PCDH15: variants seen among roughly 807,000 people sequenced by gnomAD.
PCDH15 encodes protocadherin-15.
In PCDH15, 129 loss-of-function variants were observed where a neutral mutation model predicts 178.5. The ratio of observed to expected loss-of-function variants is 0.72; its 90% CI spans 0.63 to 0.84. PCDH15 has a LOEUF of 0.84. Among genes scored for constraint, PCDH15 ranks in the 40% least tolerant of loss-of-function variants. The pLI, the probability that PCDH15 is intolerant of heterozygous loss-of-function variation, is 0.00. For missense variants in PCDH15, 2,230 were observed against 2,099.9 expected (o/e 1.06, Z -1.21); for synonymous variants, 800 against 732.0 (o/e 1.09, Z -1.50).
At chr10:54,984,023 T>G (rs1307237941) in intron 2 of PCDH15, among the ~76,000 whole-genome samples, 2 of 152,092 alleles carry the variant, frequency 1.3e-5, no homozygotes, top group Non-Finnish European at 1.5e-5. Flanking sequence ...AAAGTGTAAG[T>G]AGAGAATTAT....
Position 54,214,035 on chromosome 10 carries a change from A to G in PCDH15, c.999T>C (p.Asp333=). ...GATGCATATGGAAAAATCGTGGGTA[A>G]TCCTCAGGAGTCCCTGGAAGACATT... ...LYSILVGTPE[D]YPRFFHMHPR... The change falls in exon 10 of 38, where the codon GAT becomes GAC. Residue 333 remains aspartate, a synonymous_variant. Transcript: ENST00000644397. 6.3e-7 allele frequency: 1 copy of G among 1,595,062 alleles called. No homozygotes were observed. Among genetic ancestry groups the G allele is most frequent in the Non-Finnish European group, 8.6e-7 (1 of 1,162,922 alleles).
intron 2 of PCDH15, among the ~76,000 whole-genome samples, chr10:55,044,855 C>T (rs1481058089): frequency 6.6e-6 from 1 of 152,054 alleles, no homozygotes; most frequent in Non-Finnish European, 1.5e-5. Context: ...AAATCACAAT[C>T]CCCACCCTCA....
chr10:55,594,232 A>C (rs1842899074), intron 2 of PCDH15, among the ~76,000 whole-genome samples: 1 of 151,910 alleles, frequency 6.6e-6, no homozygotes, highest in South Asian at 2.1e-4. Context: ...TAAATGTCTT[A>C]ATTGTTATAA....
intron 1 of PCDH15, among the ~76,000 whole-genome samples, chr10:55,304,708 G>A (rs1243134160): frequency 6.6e-6 from 1 of 152,156 alleles, no homozygotes; most frequent in Non-Finnish European, 1.5e-5. Context: ...GAGCTACTCA[G>A]TTTGAACTAA....
intron 3 of PCDH15, among the ~76,000 whole-genome samples, chr10:54,439,967 C>G (rs2075692450): frequency 6.6e-6 from 1 of 151,922 alleles, no homozygotes; most frequent in African/African-American, 2.4e-5. Flanking sequence ...TACATGTTTT[C>G]CACCTTGCAA....
chr10:53,938,247 T>TA (rs1259082440), intron 25 of PCDH15, among the ~76,000 whole-genome samples: 6 of 152,112 alleles, frequency 3.9e-5, no homozygotes, highest in Non-Finnish European at 8.8e-5. Context: ...TACTGTCATT[T>TA]AAAAAAATAA....
At chr10:55,134,916 T>C (rs1439421066) in intron 2 of PCDH15, among the ~76,000 whole-genome samples, 3 of 152,170 alleles carry the variant, frequency 2.0e-5, no homozygotes, top group Non-Finnish European at 2.9e-5. Flanking sequence ...TTCAGTAAGA[T>C]AGATTTGGTG....
intron 2 of PCDH15, among the ~76,000 whole-genome samples, chr10:55,584,511 G>T (rs1051737870): frequency 6.6e-6 from 1 of 151,668 alleles, no homozygotes; most frequent in Admixed American, 6.6e-5. Flanking sequence ...ACACAAATTA[G>T]CTAGGCGTGG....
chr10:54,068,723 C>CA (rs1308616700), intron 17 of PCDH15, among the ~76,000 whole-genome samples: 1 of 152,162 alleles, frequency 6.6e-6, no homozygotes, highest in East Asian at 1.9e-4. Context: ...GAAATGATCA[C>CA]AAAGCTGAGC....
At chr10:55,386,163 A>G (rs1049825247) in intron 2 of PCDH15, among the ~76,000 whole-genome samples, 5 of 152,038 alleles carry the variant, frequency 3.3e-5, no homozygotes, top group Non-Finnish European at 5.9e-5. Flanking sequence ...CTAGACTCAA[A>G]GGGAAATTTT....
intron 2 of PCDH15, among the ~76,000 whole-genome samples, chr10:55,007,323 C>A (rs1332353920): frequency 6.6e-6 from 1 of 151,998 alleles, no homozygotes; most frequent in Non-Finnish European, 1.5e-5. Context: ...TTACCAACAG[C>A]ATTATTTGCT....
intron 9 of PCDH15, among the ~76,000 whole-genome samples, chr10:54,223,464 G>GTTTA (rs1471053843): frequency 6.9e-6 from 1 of 144,522 alleles, no homozygotes; most frequent in Non-Finnish European, 1.5e-5. Flanking sequence ...ACGGATTGAA[G>GTTTA]TTTATTTGTT....
intron 2 of PCDH15, among the ~76,000 whole-genome samples, chr10:54,944,530 T>C (rs1019317106): frequency 1.3e-5 from 2 of 151,902 alleles, no homozygotes; most frequent in Admixed American, 6.6e-5. Context: ...ATCTAGGCAG[T>C]GAATACACAG....
At chr10:55,582,350 G>T (rs1451425024) in intron 2 of PCDH15, among the ~76,000 whole-genome samples, 1 of 151,886 alleles carries the variant, frequency 6.6e-6, no homozygotes, top group Non-Finnish European at 1.5e-5. Context: ...AGCATTCCTA[G>T]GATCGCCTTC....
intron 10 of PCDH15, among the ~76,000 whole-genome samples, chr10:54,196,318 A>G (rs2049645740): frequency 6.6e-6 from 1 of 151,744 alleles, no homozygotes; most frequent in Non-Finnish European, 1.5e-5. Flanking sequence ...AATGTTTTGT[A>G]TTTTTAGTAG....
intron 25 of PCDH15, among the ~76,000 whole-genome samples, chr10:53,904,468 C>CTTTTTTT (rs10659966): frequency 2.8e-5 from 4 of 144,076 alleles, no homozygotes; most frequent in Non-Finnish European, 3.0e-5. Context: ...TAGAAATAGT[C>CTTTTTTT]TTTTTTTTTT....
intron 3 of PCDH15, among the ~76,000 whole-genome samples, chr10:54,441,976 T>C (rs1789127241): frequency 6.6e-6 from 1 of 151,764 alleles, no homozygotes; most frequent in African/African-American, 2.4e-5. Context: ...AGGGAATTAA[T>C]AACATATTTT....
chr10:54,482,492 T>C (rs1435150487), intron 3 of PCDH15, among the ~76,000 whole-genome samples: 1 of 151,752 alleles, frequency 6.6e-6, no homozygotes, highest in Non-Finnish European at 1.5e-5. Flanking sequence ...AGAGAGTGTA[T>C]TTATTTAGAT....
chr10:54,608,406 A>G (rs977377125), intron 2 of PCDH15, among the ~76,000 whole-genome samples: 2 of 152,026 alleles, frequency 1.3e-5, no homozygotes, highest in Admixed American at 6.6e-5. Context: ...CGGGAGTTTG[A>G]GACCCGCCTG....
Sources: gnomAD v4.1 joint callset for allele counts (sites outside exome capture counted in the v4.1 genomes callset) on GRCh38, gnomAD v4.1.1 for gene constraint, MANE v1.5 for transcripts, NCBI Gene and HGNC (gene_info 2026-07-23, HGNC 2026-07-21) for gene names.